NSL1: variants seen among roughly 807,000 people sequenced by gnomAD.
The protein encoded by NSL1 is NSL1 component of MIS12 kinetochore complex.
Under a neutral mutation model 25.4 loss-of-function variants are expected in NSL1, and 11 were observed. The ratio of observed to expected loss-of-function variants is 0.43; its 90% CI spans 0.27 to 0.72. The LOEUF (loss-of-function observed/expected upper bound fraction) is 0.72, where lower values mean the gene tolerates loss of function less well. NSL1 is among the 30% of genes least tolerant of loss of function. NSL1 has a pLI of 0.19. For missense variants in NSL1, 330 were observed against 342.7 expected, an observed-to-expected ratio of 0.96 and a Z score of 0.29; for synonymous variants, 118 against 120.6, an observed-to-expected ratio of 0.98 and a Z score of 0.14.
intron 4 of NSL1, among the ~76,000 whole-genome samples, chr1:212,764,843 C>CA (rs3086471): frequency 0.028 from 1,088 of 38,904 alleles, 129 homozygotes; most frequent in Middle Eastern, 0.071. Flanking sequence ...AAGACTGTCT[C>CA]AAAAAAAAAA....
At chr1:212,782,463 T>C in intron 3 of NSL1, 37 bp from the exon 4 acceptor site, 1 of 1,343,548 alleles carries the variant, frequency 7.4e-7, no homozygotes, top group Non-Finnish European at 1.1e-6. Flanking sequence ...TTTAATCACT[T>C]AATGCTTCAT....
In NSL1 at chr1:212,747,908, G is replaced by A. The variant is rs112370694; in HGVS notation, c.500-8307C>T. On this transcript the variant is annotated intron_variant, in intron 4 of 5. Coordinates refer to ENST00000366977, the MANE Select transcript of NSL1 (RefSeq NM_015471.4). Reference sequence around the variant, plus strand: ...GCCTCCTGAGTAGCTGGGACTACAGGCATGTGCCACCAGGCCTGGCTAATT... The same window carrying A: ...GCCTCCTGAGTAGCTGGGACTACAGACATGTGCCACCAGGCCTGGCTAATT... 5.2e-3 allele frequency among the ~76,000 whole-genome samples: 784 copies of A among 152,184 alleles called. 5 individuals are homozygous for A. Among genetic ancestry groups the A allele is most frequent in the African/African-American group, 0.018 (747 of 41,514 alleles).
Position 212,731,789 on chromosome 1 carries a change from C to CACACTGTT in NSL1, c.*6611_*6618dup. On this transcript the variant is annotated 3_prime_UTR_variant, in exon 6 of 6. Coordinates refer to ENST00000366977, the MANE Select transcript of NSL1 (RefSeq NM_015471.4). ...ATGTCAAAGCTGGTGTTCAGACAGT[C>CACACTGTT]ACACTGTTACAAACATATGGATTGT... The CACACTGTT allele has an allele frequency of 1.0e-6, 1 of 985,432 alleles. No individual in the cohort carries two copies. The highest frequency in any genetic ancestry group is 1.2e-6 in the Non-Finnish European group (1 of 829,928). 61.0% of individuals were successfully genotyped at this position (985,432 alleles called of 1,614,324 possible).
In NSL1 at chr1:212,732,092, TTG is replaced by T. The variant is rs1658042614; in HGVS notation, c.*6314_*6315del. 2.2e-5 allele frequency: 22 copies of T among 981,892 alleles called. No individual in the cohort carries two copies. In the South Asian group the frequency reaches 9.0e-4, roughly 40 times the overall value. 60.8% of individuals were successfully genotyped at this position (981,892 alleles called of 1,614,324 possible). ...TTTTATTATTATGGCTATATAAATA[TTG>T]TTCACTGGAGAACTAATTTGTAACC... On this transcript the variant is annotated 3_prime_UTR_variant, in exon 6 of 6. Coordinates refer to ENST00000366977, the MANE Select transcript of NSL1 (RefSeq NM_015471.4).
intron 4 of NSL1, among the ~76,000 whole-genome samples, chr1:212,756,609 CAA>C (rs1337305366): frequency 2.6e-5 from 4 of 152,116 alleles, no homozygotes; most frequent in Non-Finnish European, 5.9e-5. Flanking sequence ...CACCCGAGTT[CAA>C]GACTTTGAAA....
In NSL1 at chr1:212,726,860, G is replaced by C. The variant is rs1657810322; in HGVS notation, c.*11548C>G. 2 of 352,916 alleles carry C rather than the reference G, an allele frequency of 5.7e-6. No individual in the cohort carries two copies. The allele number at this position is 352,916 out of a possible 1,614,324, so 21.9% of individuals were successfully genotyped here. On this transcript the variant is annotated 3_prime_UTR_variant, in exon 6 of 6. Transcript: ENST00000366977. ...TCCAAATGACTTCTGTGCAACAACAGAGCCGAGCCCGGTCCCAGGGGCTGG... is the reference window on the plus strand; with the variant it reads ...TCCAAATGACTTCTGTGCAACAACACAGCCGAGCCCGGTCCCAGGGGCTGG...
chr1:212,773,736 C>T (rs1377433274), intron 4 of NSL1, among the ~76,000 whole-genome samples: 1 of 152,122 alleles, frequency 6.6e-6, no homozygotes, highest in African/African-American at 2.4e-5. Flanking sequence ...ATATCCACAT[C>T]CCCATTTTTA....
At chr1:212,755,483 A>C (rs1045142736) in intron 4 of NSL1, among the ~76,000 whole-genome samples, 13 of 151,782 alleles carry the variant, frequency 8.6e-5, no homozygotes, top group African/African-American at 2.9e-4. Context: ...GTATATAAGC[A>C]AGAAAAAAAT....
Position 212,784,372 on chromosome 1 carries a change from T to C in NSL1, c.435A>G (p.Gln145=), listed in dbSNP as rs146583523. 8.9e-6 allele frequency: 14 copies of C among 1,571,648 alleles called. No homozygotes were observed. The highest frequency in any genetic ancestry group is 1.8e-5 in the Admixed American group (1 of 56,442). Residue 145 remains glutamine, a synonymous_variant, in exon 3 of 6, where the codon CAA becomes CAG. Coordinates refer to ENST00000366977, the MANE Select transcript of NSL1 (RefSeq NM_015471.4). Reference sequence around the variant, plus strand: ...AGGCAAATCATCTTACCAGAATTTCTTGTTTTGCTTTTATGGTTTTGATGA... The same window carrying C: ...AGGCAAATCATCTTACCAGAATTTCCTGTTTTGCTTTTATGGTTTTGATGA... ...ECVIKTIKAK[Q]EILKQYHPVV...
At chr1:212,790,888 A>G (rs1311142421) in intron 1 of NSL1, among the ~76,000 whole-genome samples, 1 of 151,770 alleles carries the variant, frequency 6.6e-6, no homozygotes, top group Non-Finnish European at 1.5e-5. Flanking sequence ...GCGCCACTGC[A>G]CTCCAGCCTG....
Position 212,730,410 on chromosome 1 carries a change from GAA to G in NSL1, c.*7996_*7997del. On this transcript the variant is annotated 3_prime_UTR_variant, in exon 6 of 6. Coordinates refer to ENST00000366977, the MANE Select transcript of NSL1 (RefSeq NM_015471.4). ...GAAGATGTGGGCCACAGAGCTACAT[GAA>G]TGGGCACCAAGGGAGGTCTTAAAAT... 1 of 985,330 alleles carries G rather than the reference GAA, an allele frequency of 1.0e-6. No individual in the cohort carries two copies. Among genetic ancestry groups the G allele is most frequent in the Non-Finnish European group, 1.2e-6 (1 of 829,916 alleles). The allele number at this position is 985,330 out of a possible 1,614,324, so 61.0% of individuals were successfully genotyped here. A position where few individuals can be genotyped will look rare whatever the true frequency, so the allele number is the denominator to read the frequency against.
intron 4 of NSL1, among the ~76,000 whole-genome samples, chr1:212,755,553 T>C (rs1337194855): frequency 1.5e-4 from 22 of 151,300 alleles, no homozygotes; most frequent in Admixed American, 1.4e-3. Context: ...AGAAAAACAA[T>C]GACAGAATAA....
Position 212,731,837 on chromosome 1 carries a change from T to G in NSL1, c.*6571A>C, listed in dbSNP as rs1308819164. The G allele has an allele frequency of 1.0e-6, 1 of 985,260 alleles. No homozygotes were observed. The highest frequency in any genetic ancestry group is 1.2e-6 in the Non-Finnish European group (1 of 829,918). The allele number at this position is 985,260 out of a possible 1,614,324, so 61.0% of individuals were successfully genotyped here. A position where few individuals can be genotyped will look rare whatever the true frequency, so the allele number is the denominator to read the frequency against. ...TGTACTGGTTGGCACAGAAGCCTCC[T>G]CACTATCCCTGCCACTCTGGCTGCT... On this transcript the variant is annotated 3_prime_UTR_variant, in exon 6 of 6. Transcript: ENST00000366977.
intron 5 of NSL1, among the ~76,000 whole-genome samples, chr1:212,739,252 G>A (rs116245111): frequency 2.6e-5 from 4 of 152,022 alleles, no homozygotes; most frequent in Admixed American, 6.5e-5. Context: ...CATTTTAGCT[G>A]GTATTATTAT....
At chr1:212,775,692 C>A (rs951426593) in intron 4 of NSL1, among the ~76,000 whole-genome samples, 1 of 151,588 alleles carries the variant, frequency 6.6e-6, no homozygotes, top group Non-Finnish European at 1.5e-5. Context: ...TCTACAGAGG[C>A]ACTTCAGCAA....
At position 212,780,132 on chromosome 1, in the gene NSL1, G is replaced by A. The variant is rs1407143307; in HGVS notation, c.499+2240C>T. Among the ~76,000 whole-genome samples the A allele has an allele frequency of 1.4e-3, 212 of 151,982 alleles. 1 individual carries two copies. The highest frequency in any genetic ancestry group is 4.7e-3 in the African/African-American group (195 of 41,516). ...GTCTGTGTAGAAAGAAGTAGACATG[G>A]GAAACTTTTCATTTTGTTCTGTACT... On this transcript the variant is annotated intron_variant, in intron 4 of 5. Transcript: ENST00000366977.
intron 4 of NSL1, among the ~76,000 whole-genome samples, chr1:212,745,013 G>A (rs1223576945): frequency 3.3e-5 from 5 of 151,970 alleles, no homozygotes; most frequent in African/African-American, 1.2e-4. Context: ...GTGCATGACT[G>A]TAGTCCCACC....
intron 4 of NSL1, among the ~76,000 whole-genome samples, chr1:212,771,671 T>C (rs1445192733): frequency 3.2e-5 from 4 of 125,440 alleles, no homozygotes; most frequent in African/African-American, 1.1e-4. Context: ...AGTTGCAGGA[T>C]ACAAAACAAA....
chr1:212,738,174 T>C lies in NSL1; in HGVS notation c.*234A>G. The stretch of plus-strand genomic sequence containing the variant: ...CACTTTTAATATTTTTAATGCCCAC[T>C]GATGGGCTTTGTGTCAATACTTTTT... On this transcript the variant is annotated 3_prime_UTR_variant, in exon 6 of 6. Transcript: ENST00000366977. 1 of 1,234,018 alleles carries C rather than the reference T, an allele frequency of 8.1e-7. No homozygotes were observed. Among genetic ancestry groups the C allele is most frequent in the Non-Finnish European group, 1.0e-6 (1 of 987,158 alleles). The allele number at this position is 1,234,018 out of a possible 1,614,324, so 76.4% of individuals were successfully genotyped here.
Sources: allele counts gnomAD v4.1 joint callset (sites outside exome capture counted in the v4.1 genomes callset), GRCh38; gene constraint gnomAD v4.1.1; transcripts MANE v1.5; gene names NCBI Gene and HGNC (gene_info 2026-07-23, HGNC 2026-07-21).